The following PCDHA2 variants were observed in gnomAD, a reference collection of about 807,000 sequenced individuals.
PCDHA2 encodes the protein protocadherin alpha-2.
A neutral mutation model predicts 66.0 loss-of-function variants in PCDHA2; 58 were observed. That is an observed-to-expected ratio of 0.88 (90% CI 0.71 to 1.09). The LOEUF (loss-of-function observed/expected upper bound fraction) is 1.09. Among genes scored for constraint, PCDHA2 ranks in the 50% least tolerant of loss-of-function variants. The pLI, the probability that PCDHA2 is intolerant of heterozygous loss-of-function variation, is 0.00. For missense variants in PCDHA2, 1,267 were observed against 1,242.3 expected (o/e 1.02, Z -0.30); for synonymous variants, 634 against 554.0 (o/e 1.14, Z -2.03).
chr5:140,858,176 G>A, intron 1 of PCDHA2: 1 of 1,597,746 alleles, frequency 6.3e-7, no homozygotes, highest in Non-Finnish European at 8.6e-7. Flanking sequence ...CAGCTTGCTG[G>A]TGCTCACGCT....
intron 3 of PCDHA2, among the ~76,000 whole-genome samples, chr5:140,983,261 CT>C (rs1240749572): frequency 7.9e-5 from 12 of 152,158 alleles, no homozygotes; most frequent in Admixed American, 7.9e-4. Context: ...TGTAAAAAAC[CT>C]AATGGCTGGG....
chr5:140,884,384 G>T (rs782701367), intron 1 of PCDHA2: 1 of 1,613,972 alleles, frequency 6.2e-7, no homozygotes. Flanking sequence ...TGCCATCTGC[G>T]CGGTGTCCAG....
chr5:140,850,279 G>C (rs140634296), intron 1 of PCDHA2: 2 of 1,595,566 alleles, frequency 1.3e-6, no homozygotes, highest in African/African-American at 1.3e-5. Context: ...GGGAAGGTGC[G>C]CGCAGTGGAC....
At position 141,010,158 on chromosome 5, in the gene PCDHA2, GT is replaced by G. The variant is rs1563735803; in HGVS notation, c.*225del. 1.3e-6 allele frequency: 2 copies of G among 1,570,690 alleles called. No homozygotes were observed. The highest frequency in any genetic ancestry group is 1.7e-6 in the Non-Finnish European group (2 of 1,156,884). ...TAACTCTTTCTCTCCACTCTGGCTT[GT>G]TTTCAGAACCTAAAAAGCAGACCCA... On this transcript the variant is annotated 3_prime_UTR_variant, in exon 4 of 4. Coordinates refer to ENST00000526136, the MANE Select transcript of PCDHA2 (RefSeq NM_018905.3).
At chr5:140,912,694 G>A (rs1328426442) in intron 1 of PCDHA2, among the ~76,000 whole-genome samples, 1 of 152,090 alleles carries the variant, frequency 6.6e-6, no homozygotes, top group Non-Finnish European at 1.5e-5. Flanking sequence ...GGTCTCAGGG[G>A]GAATGCTTTC....
intron 3 of PCDHA2, among the ~76,000 whole-genome samples, chr5:140,993,956 C>T (rs2097588909): frequency 6.6e-6 from 1 of 152,140 alleles, no homozygotes; most frequent in Admixed American, 6.5e-5. Flanking sequence ...TGATACATGA[C>T]TGTAGTCATC....
chr5:140,807,479 C>A, intron 1 of PCDHA2: 2 of 1,613,112 alleles, frequency 1.2e-6, no homozygotes, highest in Non-Finnish European at 1.7e-6. Flanking sequence ...GCTGTGCCGG[C>A]GGAGCGCGGA....
At chr5:140,913,667 G>A (rs2076425699) in intron 1 of PCDHA2, among the ~76,000 whole-genome samples, 2 of 152,000 alleles carry the variant, frequency 1.3e-5, no homozygotes, top group South Asian at 2.1e-4. Flanking sequence ...GTATAGTTAG[G>A]TTATTTAAAA....
Position 140,949,361 on chromosome 5 carries a change from G to C in PCDHA2, c.2389-29588G>C, listed in dbSNP as rs150004166. 4.9e-3 allele frequency among the ~76,000 whole-genome samples: 749 copies of C among 151,546 alleles called. 8 individuals are homozygous for C. The highest frequency in any genetic ancestry group is 0.017 in the African/African-American group (722 of 41,420). On this transcript the variant is annotated intron_variant, in intron 1 of 3. Coordinates refer to ENST00000526136, the MANE Select transcript of PCDHA2 (RefSeq NM_018905.3). ...AGATTTTCTGTGTCTTTATTTTTTT[G>C]TCTAGTTGTCCTATCAATTGCTCAG...
At chr5:140,910,719 C>T (rs527945930) in intron 1 of PCDHA2, among the ~76,000 whole-genome samples, 44 of 152,216 alleles carry the variant, frequency 2.9e-4, no homozygotes, top group African/African-American at 1.0e-3. Context: ...TCTTTTAATC[C>T]ATATTTCAGC....
intron 1 of PCDHA2, chr5:140,877,161 G>A: frequency 6.2e-7 from 1 of 1,613,828 alleles, no homozygotes; most frequent in South Asian, 1.1e-5. Context: ...ACAACGCGCC[G>A]GCACTGCTGG....
intron 1 of PCDHA2, chr5:140,853,042 C>T (rs1417504758): frequency 3.7e-6 from 1 of 269,692 alleles, no homozygotes; most frequent in African/African-American, 2.3e-5. Flanking sequence ...CCATGCCCGC[C>T]TAATTTTTTT....
chr5:140,869,183 G>A, intron 1 of PCDHA2: 1 of 1,613,958 alleles, frequency 6.2e-7, no homozygotes, highest in Non-Finnish European at 8.5e-7. Flanking sequence ...TGGGAGGTGG[G>A]GAGCGGCCAG....
rs200360846 is a variant in PCDHA2, at chr5:140,842,668, C to T, written c.2388+45316C>T. On this transcript the variant is annotated intron_variant, in intron 1 of 3. Transcript: ENST00000526136. ...TGTCTGTGGAGGTGGCCGACGTGAA[C>T]GACAATGCTCCGGCGTTCGCGCAGC... 2.5e-4 allele frequency: 393 copies of T among 1,595,370 alleles called. 33 individuals carry two copies. Among genetic ancestry groups the T allele is most frequent in the South Asian group, 1.5e-4 (14 of 90,464 alleles).
chr5:140,808,485 C>T, intron 1 of PCDHA2: 1 of 1,614,176 alleles, frequency 6.2e-7, no homozygotes, highest in East Asian at 2.2e-5. Flanking sequence ...GGGGGCTCGC[C>T]TTCGCTGTGG....
chr5:140,832,186 C>T (rs1186762604), intron 1 of PCDHA2, among the ~76,000 whole-genome samples: 1 of 152,198 alleles, frequency 6.6e-6, no homozygotes, highest in African/African-American at 2.4e-5. Context: ...ATTCAAAAGA[C>T]ATTTAACCTG....
In PCDHA2 at chr5:141,010,126, C is replaced by A; in HGVS notation, c.*189C>A. The A allele has an allele frequency of 6.2e-7, 1 of 1,602,364 alleles. No homozygotes were observed. The highest frequency in any genetic ancestry group is 1.1e-5 in the South Asian group (1 of 89,898). ...TTTTGTCGTAAAAGCTTTACTAAGT[C>A]TGGTGTTAACTCTTTCTCTCCACTC... On this transcript the variant is annotated 3_prime_UTR_variant, in exon 4 of 4. Coordinates refer to ENST00000526136, the MANE Select transcript of PCDHA2 (RefSeq NM_018905.3).
rs1439259875 is a variant in PCDHA2 at position 141,011,882 on chromosome 5, GATTA to G, written c.*1950_*1953del. On this transcript the variant is annotated 3_prime_UTR_variant, in exon 4 of 4. Coordinates refer to ENST00000526136, the MANE Select transcript of PCDHA2 (RefSeq NM_018905.3). ...GTTATAATGTACAATTTAGAAGTTTGATTAATTATATTATCTATTTAGGCATTAA... is the reference window on the plus strand; with the variant it reads ...GTTATAATGTACAATTTAGAAGTTTGATTATATTATCTATTTAGGCATTAA... 2.0e-5 allele frequency: 3 copies of G among 153,360 alleles called. No homozygotes were observed. Among genetic ancestry groups the G allele is most frequent in the Non-Finnish European group, 4.4e-5 (3 of 68,010 alleles). 9.5% of individuals were successfully genotyped at this position (153,360 alleles called of 1,614,324 possible).
intron 1 of PCDHA2, among the ~76,000 whole-genome samples, chr5:140,945,439 A>G (rs1291434553): frequency 6.6e-6 from 1 of 152,188 alleles, no homozygotes; most frequent in Non-Finnish European, 1.5e-5. Flanking sequence ...TTACAGAAAT[A>G]TAAAAAACTT....
Sources: allele counts gnomAD v4.1 joint callset (sites outside exome capture counted in the v4.1 genomes callset), GRCh38; gene constraint gnomAD v4.1.1; transcripts MANE v1.5; gene names NCBI Gene and HGNC (gene_info 2026-07-23, HGNC 2026-07-21).